Variants in IGF1R observed in about 807,000 individuals in gnomAD.
IGF1R encodes the protein insulin like growth factor 1 receptor, also known as insulin-like growth factor 1 receptor.
Under a neutral mutation model 144.6 loss-of-function variants are expected in IGF1R, and 44 were observed. The observed-to-expected ratio is 0.30, with a 90% CI of 0.24 to 0.39. The LOEUF is 0.39. Among genes scored for constraint, IGF1R ranks in the 10% least tolerant of loss-of-function variants. IGF1R has a pLI of 1.00. For missense variants in IGF1R, 1,355 were observed against 1,833.7 expected, an observed-to-expected ratio of 0.74 and a Z score of 4.77; for synonymous variants, 795 against 722.8, an observed-to-expected ratio of 1.10 and a Z score of -1.60.
At chr15:98,810,142 GTGGC>G (rs1345942707) in intron 2 of IGF1R, among the ~76,000 whole-genome samples, 1 of 150,436 alleles carries the variant, frequency 6.6e-6, no homozygotes, top group Non-Finnish European at 1.5e-5. Flanking sequence ...TGGTGTGGGG[GTGGC>G]TGGCGGAGGG....
chr15:98,686,759 C>T (rs1199314951), intron 1 of IGF1R, among the ~76,000 whole-genome samples: 1 of 151,976 alleles, frequency 6.6e-6, no homozygotes. Context: ...CAGCCTCAAC[C>T]TCCTAGGCTC....
intron 2 of IGF1R, among the ~76,000 whole-genome samples, chr15:98,738,475 A>G (rs1479682531): frequency 6.6e-6 from 1 of 152,160 alleles, no homozygotes; most frequent in African/African-American, 2.4e-5. Flanking sequence ...GTTCGAGGCT[A>G]AAGTGAGCTG....
intron 2 of IGF1R, among the ~76,000 whole-genome samples, chr15:98,762,775 C>T (rs956281907): frequency 4.0e-5 from 6 of 151,804 alleles, no homozygotes; most frequent in Admixed American, 3.3e-4. Context: ...AGGCTGGGCA[C>T]GGTGGCTCAT....
At chr15:98,926,685 A>G (rs2015734528) in intron 13 of IGF1R, among the ~76,000 whole-genome samples, 1 of 152,248 alleles carries the variant, frequency 6.6e-6, no homozygotes. Context: ...ACAGACAGCA[A>G]AAGCAGGATG....
At chr15:98,893,153 T>TAGG in intron 3 of IGF1R, among the ~76,000 whole-genome samples, 1 of 152,354 alleles carries the variant, frequency 6.6e-6, no homozygotes, top group Non-Finnish European at 1.5e-5. Context: ...TAGGTGTTAA[T>TAGG]TTTAAATATA....
Position 98,780,570 on chromosome 15 carries a change from A to G in IGF1R, c.640+72463A>G, listed in dbSNP as rs1278672850. ...GTCTCAAAAAAAAAAAAAAAAAAAAAAAAAAGAGAGAGAGAGTAAATAAAA... is the reference window on the plus strand; with the variant it reads ...GTCTCAAAAAAAAAAAAAAAAAAAAGAAAAAGAGAGAGAGAGTAAATAAAA... On this transcript the variant is annotated intron_variant, in intron 2 of 20. Coordinates refer to ENST00000650285, the MANE Select transcript of IGF1R (RefSeq NM_000875.5). Among the ~76,000 whole-genome samples, 62 of 32,120 alleles carry G rather than the reference A, an allele frequency of 1.9e-3. 5 individuals carry two copies. In the East Asian group the frequency reaches 0.024, roughly 13 times the overall value. 21.1% of individuals were successfully genotyped at this position (32,120 alleles called of 152,430 possible).
intron 2 of IGF1R, among the ~76,000 whole-genome samples, chr15:98,851,367 T>C (rs144776382): frequency 6.6e-5 from 10 of 152,306 alleles, no homozygotes; most frequent in Non-Finnish European, 1.5e-4. Context: ...GTTTACGTTT[T>C]CAGCTTGGAC....
At chr15:98,923,793 G>T in intron 11 of IGF1R, 83 bp from the exon 12 acceptor site, 1 of 1,081,986 alleles carries the variant, frequency 9.2e-7, no homozygotes, top group Non-Finnish European at 1.4e-6. Flanking sequence ...TGTGGATGGG[G>T]GGGTTATTCT....
chr15:98,717,169 T>C (rs2054137467), intron 2 of IGF1R, among the ~76,000 whole-genome samples: 1 of 152,242 alleles, frequency 6.6e-6, no homozygotes. Flanking sequence ...TTAAGGACCG[T>C]TGATGCCTTG....
At chr15:98,823,921 A>G (rs2056845887) in intron 2 of IGF1R, among the ~76,000 whole-genome samples, 4 of 152,254 alleles carry the variant, frequency 2.6e-5, no homozygotes, top group Admixed American at 1.3e-4. Flanking sequence ...AGAGGGGGAA[A>G]AAAAGACTAG....
At chr15:98,747,080 T>C (rs2054886397) in intron 2 of IGF1R, among the ~76,000 whole-genome samples, 1 of 152,238 alleles carries the variant, frequency 6.6e-6, no homozygotes, top group Non-Finnish European at 1.5e-5. Context: ...GGAGAAAATG[T>C]AAGTGCAGTG....
At chr15:98,908,601 A>G (rs2014845035) in intron 5 of IGF1R, 84 bp from the exon 6 acceptor site, 1 of 940,320 alleles carries the variant, frequency 1.1e-6, no homozygotes, top group Admixed American at 1.9e-5. Context: ...CAGGTGGCAA[A>G]GAGGACCTGT....
Position 98,664,350 on chromosome 15 carries a change from C to T in IGF1R, c.94+14675C>T, listed in dbSNP as rs1205231546. ...TTGACCCTCTCTGCTCTCCTTTCCT[C>T]ATCTGTAAAATGGAAGATAATGCCA... On this transcript the variant is annotated intron_variant, in intron 1 of 20. Transcript: ENST00000650285. Among the ~76,000 whole-genome samples, 61 of 152,090 alleles carry T rather than the reference C, an allele frequency of 4.0e-4. 2 individuals carry two copies. The highest frequency in any genetic ancestry group is 3.9e-3 in the Admixed American group (60 of 15,272).
chr15:98,896,171 C>CGTCAAGAAA (rs2014184912), intron 3 of IGF1R, among the ~76,000 whole-genome samples: 1 of 152,096 alleles, frequency 6.6e-6, no homozygotes, highest in African/African-American at 2.4e-5. Context: ...TGCAAAACAC[C>CGTCAAGAAA]GTCAAGAAAT....
At chr15:98,920,206 G>A (rs886708079) in intron 10 of IGF1R, among the ~76,000 whole-genome samples, 23 of 152,132 alleles carry the variant, frequency 1.5e-4, no homozygotes, top group African/African-American at 5.6e-4. Context: ...TTGGGCGTAC[G>A]ATTTGGAAAT....
chr15:98,753,508 C>T (rs2055073824), intron 2 of IGF1R, among the ~76,000 whole-genome samples: 1 of 149,088 alleles, frequency 6.7e-6, no homozygotes, highest in Non-Finnish European at 1.5e-5. Context: ...GCTAGGATTA[C>T]AGATGTGAGC....
At chr15:98,724,447 C>T (rs535469877) in intron 2 of IGF1R, among the ~76,000 whole-genome samples, 2 of 152,320 alleles carry the variant, frequency 1.3e-5, no homozygotes, top group African/African-American at 4.8e-5. Context: ...GCAGCCAGTT[C>T]TCCAGCAGCC....
intron 1 of IGF1R, among the ~76,000 whole-genome samples, chr15:98,680,270 C>CT (rs61048587): frequency 2.6e-3 from 371 of 145,228 alleles, no homozygotes; most frequent in East Asian, 7.7e-3. Context: ...CGTATGTATA[C>CT]TTTTTTTTTT....
intron 2 of IGF1R, among the ~76,000 whole-genome samples, chr15:98,832,418 G>A (rs2057018459): frequency 6.6e-6 from 1 of 152,206 alleles, no homozygotes; most frequent in African/African-American, 2.4e-5. Context: ...CAAGAGACCA[G>A]GAAGGAAAGT....
Sources: allele counts gnomAD v4.1 joint callset (sites outside exome capture counted in the v4.1 genomes callset), GRCh38; gene constraint gnomAD v4.1.1; transcripts MANE v1.5; gene names NCBI Gene and HGNC (gene_info 2026-07-23, HGNC 2026-07-21).